The following STK4 variants were observed in gnomAD, a reference collection of about 807,000 sequenced individuals.
STK4 encodes the protein serine/threonine-protein kinase 4.
STK4 carries 30 observed loss-of-function variants against 64.9 expected under a neutral mutation model. That is an observed-to-expected ratio of 0.46 (90% CI 0.35 to 0.63). The LOEUF (loss-of-function observed/expected upper bound fraction) is 0.63. Among genes scored for constraint, STK4 ranks in the 20% least tolerant of loss-of-function variants. The pLI is 0.01. For missense variants in STK4, 466 were observed against 598.5 expected, an observed-to-expected ratio of 0.78 and a Z score of 2.31; for synonymous variants, 177 against 199.0, an observed-to-expected ratio of 0.89 and a Z score of 0.93.
rs982427313 is a variant in STK4 at position 45,000,398 on chromosome 20, T to C, written c.838T>C (p.Phe280Leu). 1.2e-6 allele frequency: 2 copies of C among 1,613,606 alleles called. No homozygotes were observed. The highest frequency in any genetic ancestry group is 2.7e-5 in the African/African-American group (2 of 74,934). ...ATATQLLQHP[F>L]VRSAKGVSIL... ...TTCTACTTTGTTCTTTTAGCACCCA[T>C]TTGTCAGGAGTGCCAAAGGAGTGTC... Residue 280 changes from phenylalanine to leucine, a missense_variant, in exon 8 of 11, where the codon TTT (phenylalanine) becomes CTT (leucine). Physicochemically the swap from Phe to Leu is conservative, Grantham distance 22 (BLOSUM62 0). This residue lies in a region of STK4 where 276 missense variants were observed against 308.9 expected (regional missense o/e 0.89). Coordinates refer to ENST00000372806, the MANE Select transcript of STK4 (RefSeq NM_006282.5).
intron 10 of STK4, among the ~76,000 whole-genome samples, chr20:45,069,148 C>T (rs996580312): frequency 3.3e-5 from 5 of 152,184 alleles, no homozygotes; most frequent in Non-Finnish European, 4.4e-5. Flanking sequence ...CTGTCAGGCT[C>T]GGAGCCCGTC....
At chr20:45,005,659 A>AC (rs1568713442) in intron 9 of STK4, among the ~76,000 whole-genome samples, 5 of 151,464 alleles carry the variant, frequency 3.3e-5, no homozygotes, top group African/African-American at 1.2e-4. Flanking sequence ...AAAAAAAAAA[A>AC]AAAAAAAACA....
intron 10 of STK4, among the ~76,000 whole-genome samples, chr20:45,025,902 CTA>C (rs754556042): frequency 6.2e-4 from 95 of 152,324 alleles, no homozygotes; most frequent in Non-Finnish European, 1.2e-3. Flanking sequence ...TGGCTTTCCA[CTA>C]TACTACTGAC....
chr20:45,070,313 G>T (rs1979945407), intron 10 of STK4, among the ~76,000 whole-genome samples: 1 of 152,160 alleles, frequency 6.6e-6, no homozygotes, highest in Admixed American at 6.5e-5. Flanking sequence ...TATGTTTGTT[G>T]CTGTGAGATG....
intron 10 of STK4, among the ~76,000 whole-genome samples, chr20:45,026,533 G>GGCATC (rs371867578): frequency 6.6e-6 from 1 of 152,160 alleles, no homozygotes; most frequent in African/African-American, 2.4e-5. Context: ...GTTTTGGAAT[G>GGCATC]GCATCAATAG....
chr20:45,024,743 T>G (rs928979838), intron 9 of STK4, among the ~76,000 whole-genome samples: 2 of 152,184 alleles, frequency 1.3e-5, no homozygotes, highest in African/African-American at 2.4e-5. Context: ...CAGGGAAATT[T>G]CTGAATGTAT....
At chr20:45,069,584 A>G (rs1336530070) in intron 10 of STK4, among the ~76,000 whole-genome samples, 7 of 152,242 alleles carry the variant, frequency 4.6e-5, no homozygotes, top group Non-Finnish European at 1.0e-4. Context: ...TTGATTTCAA[A>G]AGAATGTTAA....
intron 9 of STK4, among the ~76,000 whole-genome samples, chr20:45,006,552 C>T (rs941670023): frequency 6.6e-6 from 1 of 151,924 alleles, no homozygotes; most frequent in Admixed American, 6.6e-5. Flanking sequence ...TTTCTTCTTA[C>T]ACTTTGTAAA....
chr20:45,017,470 T>C (rs2068162772), intron 9 of STK4, among the ~76,000 whole-genome samples: 1 of 152,194 alleles, frequency 6.6e-6, no homozygotes, highest in Non-Finnish European at 1.5e-5. Flanking sequence ...TGGGGAAGGA[T>C]GTTACAGGCA....
intron 10 of STK4, among the ~76,000 whole-genome samples, chr20:45,058,874 T>G (rs187635500): frequency 9.6e-4 from 146 of 152,356 alleles, no homozygotes; most frequent in Admixed American, 8.6e-3. Context: ...CCTCGCATTC[T>G]TGTACTCTAC....
intron 10 of STK4, among the ~76,000 whole-genome samples, chr20:45,031,980 A>G (rs1300084055): frequency 6.6e-6 from 1 of 151,834 alleles, no homozygotes; most frequent in Non-Finnish European, 1.5e-5. Flanking sequence ...GATATGTTTT[A>G]TACTGTTAAA....
At chr20:45,052,936 G>A in intron 10 of STK4, 2 of 615,442 alleles carry the variant, frequency 3.2e-6, no homozygotes, top group Non-Finnish European at 2.8e-6. Flanking sequence ...GCAGTTTCTG[G>A]TGAGAAGACT....
chr20:45,026,484 C>G (rs907273674), intron 10 of STK4, among the ~76,000 whole-genome samples: 1 of 151,998 alleles, frequency 6.6e-6, no homozygotes, highest in African/African-American at 2.4e-5. Flanking sequence ...GAGGCAGGGA[C>G]TTGGCTGGTA....
chr20:45,022,608 A>G (rs960772066), intron 9 of STK4, among the ~76,000 whole-genome samples: 1 of 152,236 alleles, frequency 6.6e-6, no homozygotes, highest in Admixed American at 6.5e-5. Flanking sequence ...TAGACCACAG[A>G]AATGTTATCT....
chr20:44,989,704 T>G (rs959928300), intron 5 of STK4, among the ~76,000 whole-genome samples: 3 of 152,222 alleles, frequency 2.0e-5, no homozygotes, highest in Admixed American at 1.3e-4. Context: ...TTCTTTGAAG[T>G]GTTTAATGGT....
chr20:45,058,058 C>T (rs1978647454), intron 10 of STK4, among the ~76,000 whole-genome samples: 1 of 42,394 alleles, frequency 2.4e-5, no homozygotes, highest in Non-Finnish European at 6.5e-5. Context: ...GAAGGTCACA[C>T]ACACACACAC....
intron 9 of STK4, 40 bp from the exon 10 acceptor site, chr20:45,024,933 A>G: frequency 6.7e-7 from 1 of 1,500,942 alleles, no homozygotes; most frequent in Non-Finnish European, 8.9e-7. Flanking sequence ...CCTAAAATTT[A>G]GAATGTTTCT....
chr20:45,014,201 G>C (rs977632084), intron 9 of STK4, among the ~76,000 whole-genome samples: 2 of 152,048 alleles, frequency 1.3e-5, no homozygotes, highest in Non-Finnish European at 2.9e-5. Flanking sequence ...GAGGTGGGTG[G>C]ATCACTTGAG....
At chr20:44,979,202 T>A (rs1373271243) in intron 3 of STK4, among the ~76,000 whole-genome samples, 3 of 152,126 alleles carry the variant, frequency 2.0e-5, no homozygotes, top group Non-Finnish European at 4.4e-5. Flanking sequence ...CTTTTTTACT[T>A]CCTATTGAGA....
Sources: allele counts gnomAD v4.1 joint callset (sites outside exome capture counted in the v4.1 genomes callset), GRCh38; gene constraint gnomAD v4.1.1; regional missense constraint gnomAD v4.1.1; transcripts MANE v1.5; gene names NCBI Gene and HGNC (gene_info 2026-07-23, HGNC 2026-07-21).